Variants in TJP3 observed in about 807,000 individuals in gnomAD.
The protein encoded by TJP3 is tight junction protein ZO-3.
In TJP3, 85 loss-of-function variants were observed where a neutral mutation model predicts 104.2. That is an observed-to-expected ratio of 0.82 (90% CI 0.68 to 0.98). The LOEUF (loss-of-function observed/expected upper bound fraction) is 0.98, where lower values mean the gene tolerates loss of function less well. TJP3 is among the 50% of genes least tolerant of loss of function. The pLI is 0.00. For missense variants in TJP3, 1,367 were observed against 1,322.8 expected (o/e 1.03, Z -0.52); for synonymous variants, 550 against 550.6 (o/e 1.00, Z 0.02).
intron 1 of TJP3, among the ~76,000 whole-genome samples, chr19:3,714,408 G>A (rs540013470): frequency 9.3e-5 from 14 of 151,054 alleles, no homozygotes; most frequent in African/African-American, 2.7e-4. Context: ...TCAAACTCCC[G>A]ACCTCGTGAT....
At chr19:3,744,600 G>A (rs1407712888) in intron 15 of TJP3, among the ~76,000 whole-genome samples, 1 of 151,736 alleles carries the variant, frequency 6.6e-6, no homozygotes, top group East Asian at 1.9e-4. Context: ...TGAGGCAGAG[G>A]TTGCAGTGAG....
intron 15 of TJP3, among the ~76,000 whole-genome samples, chr19:3,745,109 TAAAA>T (rs944498229): frequency 7.1e-6 from 1 of 141,406 alleles, no homozygotes; most frequent in Non-Finnish European, 1.5e-5. Flanking sequence ...TTTTTTTAAT[TAAAA>T]AAAGATGCAA....
Position 3,750,647 on chromosome 19 carries a change from A to G in TJP3, c.2723A>G (p.Glu908Gly). ...MRVHDAESSD[E>G]DGYDWGPATD... ...GTACATGATGCGGAGTCCTCCGATGAAGACGGCTATGACTGGGGTCCGGCC... is the reference window on the plus strand; with the variant it reads ...GTACATGATGCGGAGTCCTCCGATGGAGACGGCTATGACTGGGGTCCGGCC... The change falls in exon 21 of 21, where the codon GAA becomes GGA. Residue 908 changes from glutamate to glycine, a missense_variant. Coordinates refer to ENST00000541714, the MANE Select transcript of TJP3 (RefSeq NM_001267560.2). The G allele has an allele frequency of 8.7e-6, 14 of 1,607,584 alleles. No individual in the cohort carries two copies. The highest frequency in any genetic ancestry group is 1.2e-5 in the Non-Finnish European group (14 of 1,177,084).
intron 1 of TJP3, chr19:3,721,595 G>A (rs2145671657): frequency 7.8e-6 from 2 of 257,384 alleles, no homozygotes; most frequent in Non-Finnish European, 1.5e-5. Flanking sequence ...CGGCTGCGTG[G>A]ATAACCCGGC....
intron 14 of TJP3, 117 bp downstream of exon 14, chr19:3,740,880 C>A: frequency 2.0e-6 from 2 of 998,100 alleles, no homozygotes; most frequent in Non-Finnish European, 2.7e-6. Context: ...GTGGCTCACG[C>A]CTATAATCCC....
intron 14 of TJP3, 78 bp downstream of exon 14, chr19:3,740,841 T>C: frequency 7.3e-7 from 1 of 1,364,146 alleles, no homozygotes; most frequent in East Asian, 2.7e-5. Flanking sequence ...ACATTCAGCC[T>C]CTAAAAGGCA....
intron 1 of TJP3, among the ~76,000 whole-genome samples, chr19:3,711,975 C>T (rs1348979677): frequency 6.6e-6 from 1 of 151,824 alleles, no homozygotes; most frequent in South Asian, 2.1e-4. Context: ...CGAGAGCCAC[C>T]GACCCGGCCT....
At chr19:3,750,094 G>A in intron 19 of TJP3, 44 bp from the exon 20 acceptor site, 2 of 1,613,676 alleles carry the variant, frequency 1.2e-6, no homozygotes, top group Non-Finnish European at 1.7e-6. Flanking sequence ...GACTCACCAT[G>A]CTCTGGGGGG....
intron 1 of TJP3, among the ~76,000 whole-genome samples, chr19:3,723,303 G>C (rs1390169139): frequency 6.6e-6 from 1 of 152,146 alleles, no homozygotes; most frequent in Non-Finnish European, 1.5e-5. Flanking sequence ...GGGCTGTGAA[G>C]GATGAATAGG....
In TJP3 at chr19:3,728,252, AAAACAAAAAAAC is replaced by A. The variant is rs933573816; in HGVS notation, c.-9-159_-9-148del. 6.9e-5 allele frequency: 76 copies of A among 1,099,532 alleles called. No individual in the cohort carries two copies. In the African/African-American group the frequency reaches 7.6e-4, roughly 11 times the overall value. 68.1% of individuals were successfully genotyped at this position (1,099,532 alleles called of 1,614,324 possible). A position where few individuals can be genotyped will look rare whatever the true frequency, so the allele number is the denominator to read the frequency against. On this transcript the variant is annotated intron_variant, in intron 1 of 20. Coordinates refer to ENST00000541714, the MANE Select transcript of TJP3 (RefSeq NM_001267560.2). The stretch of plus-strand genomic sequence containing the variant: ...CAGACTCTGTCTCAAAAAATGAAAC[AAAACAAAAAAAC>A]AAACAAAAAAACCTGAGGCCCTGAG...
At chr19:3,711,674 C>A (rs1247457478) in intron 1 of TJP3, among the ~76,000 whole-genome samples, 1 of 139,130 alleles carries the variant, frequency 7.2e-6, no homozygotes, top group South Asian at 2.4e-4. Flanking sequence ...GGGTGGATCA[C>A]GAGGTCAGGA....
At chr19:3,720,901 C>CTTTTTT (rs370206267) in intron 1 of TJP3, among the ~76,000 whole-genome samples, 32 of 114,334 alleles carry the variant, frequency 2.8e-4, no homozygotes, top group Middle Eastern at 6.0e-3. Flanking sequence ...CCTTCCTTTT[C>CTTTTTT]TTTTTTTTTT....
chr19:3,711,982 G>A (rs2036438709), intron 1 of TJP3, among the ~76,000 whole-genome samples: 1 of 151,794 alleles, frequency 6.6e-6, no homozygotes. Context: ...CACCGACCCG[G>A]CCTCAGCATT....
At chr19:3,720,238 A>G (rs549476420) in intron 1 of TJP3, among the ~76,000 whole-genome samples, 8 of 152,302 alleles carry the variant, frequency 5.3e-5, no homozygotes, top group African/African-American at 1.4e-4. Context: ...GGCTTTGGCA[A>G]TGCTTTATTC....
chr19:3,746,350 A>G lies in TJP3; in HGVS notation c.2011-135A>G, dbSNP rs1164171084. 1 of 993,870 alleles carries G rather than the reference A, an allele frequency of 1.0e-6. No homozygotes were observed. 61.6% of individuals were successfully genotyped at this position (993,870 alleles called of 1,614,324 possible). ...TGCGACCTGGGCTGTTACCACCCCC[A>G]TCCCCAACTTGCTAGCCTGTGGATG... is the stretch of plus-strand genomic sequence containing the variant. On this transcript the variant is annotated intron_variant, in intron 16 of 20. Transcript: ENST00000541714. The surrounding 1 kb of genome is among the most constrained non-coding windows in gnomAD (Gnocchi z 4.1).
In TJP3 at chr19:3,746,114, T is replaced by C. The variant is rs754235260; in HGVS notation, c.2010+33T>C. 1.9e-6 allele frequency: 3 copies of C among 1,580,460 alleles called. No individual in the cohort carries two copies. The highest frequency in any genetic ancestry group is 1.7e-6 in the Non-Finnish European group (2 of 1,159,956). ...GGGTCCTGCTACGGGTCCCATTTCATGGATGGGGGAAACCGAGGCCTGGGC... is the reference window on the plus strand; with the variant it reads ...GGGTCCTGCTACGGGTCCCATTTCACGGATGGGGGAAACCGAGGCCTGGGC... On this transcript the variant is annotated intron_variant, in intron 16 of 20. Coordinates refer to ENST00000541714, the MANE Select transcript of TJP3 (RefSeq NM_001267560.2). The surrounding 1 kb of genome is among the most constrained non-coding windows in gnomAD (Gnocchi z 4.1).
rs987120071 is a variant in TJP3 at position 3,721,678 on chromosome 19, G to A, written c.-9-6746G>A. On this transcript the variant is annotated intron_variant, in intron 1 of 20. Coordinates refer to ENST00000541714, the MANE Select transcript of TJP3 (RefSeq NM_001267560.2). ...GAGAAACCTCCGCCGCGTCCAGGGG[G>A]CGTGTCTGGGCAGGGGCGGGGCTGA... is the stretch of plus-strand genomic sequence containing the variant. The A allele has an allele frequency of 1.4e-5, 5 of 354,714 alleles. No individual in the cohort carries two copies. The East Asian group carries it at 2.1e-4, about 15-fold the overall frequency. 22.0% of individuals were successfully genotyped at this position (354,714 alleles called of 1,614,324 possible).
At chr19:3,729,949 C>A in intron 3 of TJP3, 79 bp from the exon 4 acceptor site, 1 of 1,169,500 alleles carries the variant, frequency 8.6e-7, no homozygotes, top group Non-Finnish European at 1.3e-6. Flanking sequence ...GTTCCAGGGG[C>A]ACCCCCTCCC....
rs535881710 is a variant in TJP3, at chr19:3,736,175, G to A, written c.1138G>A (p.Asp380Asn). Reference sequence around the variant, plus strand: ...TGCCTCCCCTTGCAGGTACAGCCCCGACACGCGTGTGGTCCGCTTCCTCAA... The same window carrying A: ...TGCCTCCCCTTGCAGGTACAGCCCCAACACGCGTGTGGTCCGCTTCCTCAA... ...QSMEDRGYSP[D>N]TRVVRFLKGK... Residue 380 changes from aspartate to asparagine, a missense_variant, in exon 11 of 21, where the codon GAC (aspartate) becomes AAC (asparagine). Asp to Asn is a conservative substitution (Grantham distance 23, BLOSUM62 1). Coordinates refer to ENST00000541714, the MANE Select transcript of TJP3 (RefSeq NM_001267560.2). 29 of 1,592,840 alleles carry A rather than the reference G, an allele frequency of 1.8e-5. No homozygotes were observed. The highest frequency in any genetic ancestry group is 2.0e-5 in the Non-Finnish European group (23 of 1,169,754).
Sources: allele counts gnomAD v4.1 joint callset (sites outside exome capture counted in the v4.1 genomes callset), GRCh38; gene constraint gnomAD v4.1.1; non-coding constraint Gnocchi (gnomAD v3.1); transcripts MANE v1.5; gene names NCBI Gene and HGNC (gene_info 2026-07-23, HGNC 2026-07-21).